GPC3: variants seen among roughly 807,000 people sequenced by gnomAD.
GPC3 encodes glypican-3.
In GPC3, 3 loss-of-function variants were observed where a neutral mutation model predicts 34.4. The ratio of observed to expected loss-of-function variants is 0.09; its 90% CI spans 0.04 to 0.23. The LOEUF (loss-of-function observed/expected upper bound fraction) is 0.23. Among genes scored for constraint, GPC3 ranks in the 10% least tolerant of loss-of-function variants. The probability of loss-of-function intolerance (pLI) is 1.00; values close to 1 mark genes in which losing one functional copy is unlikely to be tolerated. For synonymous variants in GPC3, 177 were observed against 174.0 expected (o/e 1.02, Z -0.13); for missense variants, 351 against 445.6 (o/e 0.79, Z 1.91).
At chrX:133,620,998 C>A (rs1368759573) in intron 6 of GPC3, among the ~76,000 whole-genome samples, 1 of 111,281 alleles carries the variant, frequency 9.0e-6, no homozygotes, top group African/African-American at 3.3e-5. Flanking sequence ...TCTCAGGATC[C>A]CCTGAGGGCT....
intron 2 of GPC3, among the ~76,000 whole-genome samples, chrX:133,778,553 A>C (rs1476794555): frequency 8.9e-6 from 1 of 112,461 alleles, no homozygotes; most frequent in Non-Finnish European, 1.9e-5. Context: ...AATTTGAGAT[A>C]GTTTTCAAGT....
At chrX:133,951,047 AGTGTGTGTGTGTGTGTGTGTGT>A (rs373690687) in intron 2 of GPC3, among the ~76,000 whole-genome samples, 3 of 76,704 alleles carry the variant, frequency 3.9e-5, no homozygotes, top group Non-Finnish European at 7.6e-5. Flanking sequence ...AATTCAAGAA[AGTGTGTGTGTGTGTGTGTGTGT>A]GTGTGTGTGT....
intron 2 of GPC3, among the ~76,000 whole-genome samples, chrX:133,928,709 A>G (rs190853752): frequency 8.9e-6 from 1 of 111,882 alleles, no homozygotes; most frequent in East Asian, 2.8e-4. Context: ...TTTTTCAGGT[A>G]CCTGTTGGCT....
intron 2 of GPC3, among the ~76,000 whole-genome samples, chrX:133,859,212 C>A (rs1273790715): frequency 9.0e-6 from 1 of 111,303 alleles, no homozygotes; most frequent in Non-Finnish European, 1.9e-5. Context: ...CCCACCAGTT[C>A]CCAAATGTGT....
At chrX:133,557,166 C>T (rs921430674) in intron 7 of GPC3, among the ~76,000 whole-genome samples, 25 of 109,227 alleles carry the variant, frequency 2.3e-4, no homozygotes, top group African/African-American at 7.6e-4. Context: ...TGGTGGCGGG[C>T]GCCTGTAGTC....
chrX:133,584,280 G>C (rs1252658425), intron 7 of GPC3, among the ~76,000 whole-genome samples: 1 of 111,812 alleles, frequency 8.9e-6, no homozygotes, highest in African/African-American at 3.3e-5. Context: ...AGCATGGAGG[G>C]AAGGAGAATA....
At chrX:133,669,841 G>A (rs368522243) in intron 5 of GPC3, among the ~76,000 whole-genome samples, 17 of 111,934 alleles carry the variant, frequency 1.5e-4, no homozygotes, top group African/African-American at 5.5e-4. Context: ...CTTACATGCG[G>A]CGTCTTCTTC....
intron 2 of GPC3, among the ~76,000 whole-genome samples, chrX:133,869,098 G>A (rs1398813163): frequency 1.8e-5 from 2 of 111,862 alleles, no homozygotes; most frequent in Non-Finnish European, 1.9e-5. Flanking sequence ...TCTTCCTCCA[G>A]TATTCAGCAG....
At chrX:133,919,379 CATA>C (rs2076237787) in intron 2 of GPC3, among the ~76,000 whole-genome samples, 1 of 112,055 alleles carries the variant, frequency 8.9e-6, no homozygotes. Context: ...CTGTGAATTT[CATA>C]ATATTACCAG....
intron 2 of GPC3, among the ~76,000 whole-genome samples, chrX:133,940,631 C>T (rs1372493626): frequency 8.9e-6 from 1 of 111,809 alleles, no homozygotes; most frequent in Non-Finnish European, 1.9e-5. Context: ...ACCAACCTTC[C>T]AGAGGTCTCT....
chrX:133,655,308 C>T (rs2070645097), intron 6 of GPC3, among the ~76,000 whole-genome samples: 2 of 111,068 alleles, frequency 1.8e-5, no homozygotes, highest in East Asian at 2.8e-4. Flanking sequence ...ATGATAAATC[C>T]GTTTTGGAAT....
At chrX:133,760,703 A>C (rs757134380) in intron 2 of GPC3, among the ~76,000 whole-genome samples, 10 of 111,847 alleles carry the variant, frequency 8.9e-5, no homozygotes, top group Admixed American at 7.6e-4. Context: ...AATGAAAGAT[A>C]CAAGACATTA....
chrX:133,758,250 G>A (rs147054615), intron 2 of GPC3, among the ~76,000 whole-genome samples: 1 of 111,825 alleles, frequency 8.9e-6, no homozygotes, highest in East Asian at 2.8e-4. Flanking sequence ...ACATGCACAT[G>A]TATGTTCACT....
chrX:133,836,444 A>G (rs763442173), intron 2 of GPC3, among the ~76,000 whole-genome samples: 1 of 112,191 alleles, frequency 8.9e-6, no homozygotes, highest in Non-Finnish European at 1.9e-5. Flanking sequence ...ATTTTTCTTC[A>G]GGGACTGGGA....
At chrX:133,911,308 G>C (rs1410415522) in intron 2 of GPC3, among the ~76,000 whole-genome samples, 3 of 111,718 alleles carry the variant, frequency 2.7e-5, no homozygotes, top group African/African-American at 9.8e-5. Context: ...TGCTAGTTGT[G>C]AACAGATCAC....
chrX:133,823,042 T>C (rs1449029277), intron 2 of GPC3, among the ~76,000 whole-genome samples: 4 of 99,366 alleles, frequency 4.0e-5, no homozygotes, highest in Non-Finnish European at 7.9e-5. Flanking sequence ...GGCAGGAGAT[T>C]CGCTTGAACT....
rs1029203408 is a variant in GPC3, at chrX:133,669,279, A to G, written c.1293-7429T>C. Among the ~76,000 whole-genome samples the G allele has an allele frequency of 8.0e-5, 9 of 112,215 alleles. 1 individual carries two copies. The South Asian group carries it at 1.1e-3, about 14-fold the overall frequency. Reference sequence around the variant, plus strand: ...TGAAGATTTCAACTGTCTAAGGACAATAGGAAAACAAATGCAGCATAACAA... The same window carrying G: ...TGAAGATTTCAACTGTCTAAGGACAGTAGGAAAACAAATGCAGCATAACAA... On this transcript the variant is annotated intron_variant, in intron 5 of 7. Transcript: ENST00000370818.
At position 133,647,785 on chromosome X, in the gene GPC3, G is replaced by T. The variant is rs957797275; in HGVS notation, c.1413+13945C>A. Among the ~76,000 whole-genome samples, 3 of 111,596 alleles carry T rather than the reference G, an allele frequency of 2.7e-5. No homozygotes were observed. In the East Asian group the frequency reaches 8.5e-4, roughly 32 times the overall value. On this transcript the variant is annotated intron_variant, in intron 6 of 7. Transcript: ENST00000370818. ...TTCTCACAGTTTTGGTAATTTTTGA[G>T]ACTTCAGTGAATGGATGGCACTCAA...
At chrX:133,594,476 A>G (rs1010506231) in intron 7 of GPC3, among the ~76,000 whole-genome samples, 1 of 112,251 alleles carries the variant, frequency 8.9e-6, no homozygotes, top group African/African-American at 3.2e-5. Flanking sequence ...CTACATGTCC[A>G]CTGATGGATG....
Sources: gnomAD v4.1 joint callset for allele counts (sites outside exome capture counted in the v4.1 genomes callset) on GRCh38, gnomAD v4.1.1 for gene constraint, MANE v1.5 for transcripts, NCBI Gene and HGNC (gene_info 2026-07-23, HGNC 2026-07-21) for gene names.